Variants in HEPH observed in about 807,000 individuals in gnomAD.
HEPH encodes hephaestin.
Under a neutral mutation model 80.8 loss-of-function variants are expected in HEPH, and 69 were observed. The ratio of observed to expected loss-of-function variants is 0.85; its 90% CI spans 0.70 to 1.04. The LOEUF (loss-of-function observed/expected upper bound fraction) is 1.04, where lower values mean the gene tolerates loss of function less well. Ranked by LOEUF, HEPH falls within the 50% of genes least tolerant of loss-of-function variation. HEPH has a pLI of 0.00. For synonymous variants in HEPH, 431 were observed against 322.8 expected (o/e 1.34, Z -3.60); for missense variants, 1,115 against 891.3 (o/e 1.25, Z -3.20).
Position 66,267,073 on chromosome X carries a change from C to A in HEPH, c.*401C>A, listed in dbSNP as rs1434906612. 7.3e-6 allele frequency: 1 copy of A among 136,461 alleles called. No homozygotes were observed. The highest frequency in any genetic ancestry group is 3.2e-5 in the African/African-American group (1 of 31,450). 11.2% of individuals were successfully genotyped at this position (136,461 alleles called of 1,213,427 possible). ...AGGACTCAGGAAATTTCACTTTGAA[C>A]TGAGGCCAAGTGAGCTGTTAAGATA... On this transcript the variant is annotated 3_prime_UTR_variant, in exon 21 of 21. Transcript: ENST00000343002.
chrX:66,242,115 A>G (rs780642948), intron 15 of HEPH, among the ~76,000 whole-genome samples: 2 of 110,996 alleles, frequency 1.8e-5, no homozygotes, highest in African/African-American at 6.5e-5. Flanking sequence ...CCAACTTTAA[A>G]CTATACTACA....
intron 15 of HEPH, among the ~76,000 whole-genome samples, chrX:66,240,203 G>T (rs2090517330): frequency 9.0e-6 from 1 of 111,530 alleles, no homozygotes; most frequent in African/African-American, 3.2e-5. Context: ...CACAATAATA[G>T]ATATAGTCTC....
chrX:66,250,093 G>A (rs779564270), intron 15 of HEPH, among the ~76,000 whole-genome samples: 2 of 111,342 alleles, frequency 1.8e-5, no homozygotes, highest in Non-Finnish European at 3.8e-5. Flanking sequence ...CAAGGACATA[G>A]CACTTATCCC....
At chrX:66,171,835 G>T (rs1187916413) in intron 2 of HEPH, among the ~76,000 whole-genome samples, 1 of 111,277 alleles carries the variant, frequency 9.0e-6, no homozygotes, top group Non-Finnish European at 1.9e-5. Flanking sequence ...AGCTGTCTGA[G>T]TTAGGAACTA....
intron 4 of HEPH, among the ~76,000 whole-genome samples, chrX:66,175,830 G>A (rs2086779997): frequency 1.8e-5 from 2 of 111,554 alleles, no homozygotes; most frequent in South Asian, 3.7e-4. Flanking sequence ...CAATGGTAGT[G>A]TATAGAAGAG....
At chrX:66,248,863 G>A (rs971301122) in intron 15 of HEPH, among the ~76,000 whole-genome samples, 3 of 111,622 alleles carry the variant, frequency 2.7e-5, no homozygotes, top group African/African-American at 9.8e-5. Flanking sequence ...TATCCTCCTT[G>A]GATAGAGGGG....
intron 15 of HEPH, among the ~76,000 whole-genome samples, chrX:66,231,527 T>C (rs1161870688): frequency 3.2e-4 from 35 of 109,809 alleles, no homozygotes; most frequent in Non-Finnish European, 5.3e-4. Flanking sequence ...GTATTTTATT[T>C]TCTTTGAAGC....
Position 66,188,117 on chromosome X carries a change from G to A in HEPH, c.626-242G>A, listed in dbSNP as rs191994059. On this transcript the variant is annotated intron_variant, in intron 4 of 20. Transcript: ENST00000343002. ...TGGGTTGAAGACATAGGCAGGGATG[G>A]TAGGAGGGAATTATTGTAGATCCTA... Among the ~76,000 whole-genome samples, 589 of 111,516 alleles carry A rather than the reference G, an allele frequency of 5.3e-3. 6 individuals are homozygous for A. The highest frequency in any genetic ancestry group is 0.018 in the African/African-American group (562 of 30,662).
intron 15 of HEPH, among the ~76,000 whole-genome samples, chrX:66,237,690 T>C (rs2090418442): frequency 8.9e-6 from 1 of 112,143 alleles, no homozygotes; most frequent in African/African-American, 3.2e-5. Context: ...ATTTTCTGCC[T>C]CAGTGATCAG....
At position 66,195,097 on chromosome X, in the gene HEPH, G is replaced by T; in HGVS notation, c.1370-1G>T. The T allele has an allele frequency of 8.5e-7, 1 of 1,178,615 alleles. No homozygotes were observed. Among genetic ancestry groups the T allele is most frequent in the Non-Finnish European group, 1.1e-6 (1 of 880,090 alleles). The stretch of plus-strand genomic sequence containing the variant: ...CATTGTCTCTCCTTCCCATTTTCCA[G>T]GGCCAGTGATCCGGGCTGAGGTGGG... On this transcript the variant is annotated splice_acceptor_variant, in intron 8 of 20. Coordinates refer to ENST00000343002, the MANE Select transcript of HEPH (RefSeq NM_001367233.3). LOFTEE classifies it high-confidence loss of function.
At position 66,203,557 on chromosome X, in the gene HEPH, C is replaced by G; in HGVS notation, c.2271C>G (p.His757Gln). 1.7e-6 allele frequency: 2 copies of G among 1,210,389 alleles called. No individual in the cohort carries two copies. Among genetic ancestry groups the G allele is most frequent in the Non-Finnish European group, 2.2e-6 (2 of 894,176 alleles). ...ACCGGAGCTGGGAACGGGAATGGCA[C>G]AACCAGTCTGAGAAGGACAGGTAAG... is the stretch of plus-strand genomic sequence containing the variant. ...CPDRSWEREW[H>Q]NQSEKDSYGY... The change falls in exon 13 of 21, where the codon CAC (histidine) becomes CAG (glutamine). Residue 757 changes from histidine (H) to glutamine (Q), a missense_variant. Coordinates refer to ENST00000343002, the MANE Select transcript of HEPH (RefSeq NM_001367233.3).
chrX:66,215,098 C>T (rs760800390), intron 15 of HEPH, among the ~76,000 whole-genome samples: 1 of 111,247 alleles, frequency 9.0e-6, no homozygotes, highest in Admixed American at 9.5e-5. Flanking sequence ...AATGGATTTC[C>T]ATTTATTCAG....
At chrX:66,264,934 A>G (rs1012228967) in intron 20 of HEPH, among the ~76,000 whole-genome samples, 3 of 108,497 alleles carry the variant, frequency 2.8e-5, no homozygotes, top group African/African-American at 1.0e-4. Context: ...TATTTTGTGT[A>G]CATATATACA....
chrX:66,209,777 C>T (rs1165812244), intron 15 of HEPH, among the ~76,000 whole-genome samples: 7 of 111,688 alleles, frequency 6.3e-5, no homozygotes, highest in Non-Finnish European at 1.3e-4. Flanking sequence ...TGATGCCATT[C>T]ATCAAGATAG....
At chrX:66,209,808 C>T (rs1000336715) in intron 15 of HEPH, among the ~76,000 whole-genome samples, 2 of 111,388 alleles carry the variant, frequency 1.8e-5, no homozygotes, top group African/African-American at 6.5e-5. Flanking sequence ...AGAAAGGTGA[C>T]TTGAGATGGA....
At chrX:66,207,478 A>T (rs535772534) in intron 14 of HEPH, 144 bp downstream of exon 14, 28 of 433,080 alleles carry the variant, frequency 6.5e-5, no homozygotes, top group African/African-American at 6.2e-4. Context: ...TTATGAAACA[A>T]CCATGACAAT....
At chrX:66,253,600 G>T (rs2091075601) in intron 15 of HEPH, among the ~76,000 whole-genome samples, 1 of 111,471 alleles carries the variant, frequency 9.0e-6, no homozygotes, top group South Asian at 3.8e-4. Flanking sequence ...TACAACTCAG[G>T]AATAAATGAA....
chrX:66,176,447 G>T (rs2086805954), intron 4 of HEPH, among the ~76,000 whole-genome samples: 2 of 111,299 alleles, frequency 1.8e-5, no homozygotes, highest in African/African-American at 6.5e-5. Context: ...TTTTGCTAAG[G>T]ATTTTAGGAC....
rs1268539825 is a variant in HEPH at position 66,200,765 on chromosome X, G to A, written c.2077+13G>A. 1.3e-5 allele frequency: 16 copies of A among 1,188,568 alleles called. No individual in the cohort carries two copies. Among genetic ancestry groups the A allele is most frequent in the Non-Finnish European group, 1.8e-5 (16 of 877,666 alleles). ...CCTGACAACCTTGGTAAGTGCCTTA[G>A]CAGCTGGCCCTAGAGGCTTTGTTGG... On this transcript the variant is annotated intron_variant, in intron 12 of 20. Transcript: ENST00000343002.
Sources: gnomAD v4.1 joint callset for allele counts (sites outside exome capture counted in the v4.1 genomes callset) on GRCh38, gnomAD v4.1.1 for gene constraint, MANE v1.5 for transcripts, NCBI Gene and HGNC (gene_info 2026-07-23, HGNC 2026-07-21) for gene names.